The following MORN1 variants were observed in gnomAD, a reference collection of about 807,000 sequenced individuals.
MORN1 encodes MORN repeat-containing protein 1.
MORN1 carries 67 observed loss-of-function variants against 61.9 expected under a neutral mutation model. The observed-to-expected ratio is 1.08, with a 90% confidence interval of 0.89 to 1.33. The LOEUF (loss-of-function observed/expected upper bound fraction) is 1.33. Ranked by LOEUF, MORN1 falls within the 40% of genes most tolerant of loss-of-function variation. The pLI, the probability that MORN1 is intolerant of heterozygous loss-of-function variation, is 0.00. For synonymous variants in MORN1, 301 were observed against 292.0 expected, an observed-to-expected ratio of 1.03 and a Z score of -0.31; for missense variants, 752 against 691.2, an observed-to-expected ratio of 1.09 and a Z score of -0.99.
At chr1:2,342,322 G>A (rs1363460165) in intron 10 of MORN1, among the ~76,000 whole-genome samples, 1 of 152,258 alleles carries the variant, frequency 6.6e-6, no homozygotes, top group Non-Finnish European at 1.5e-5. Flanking sequence ...CTCGGGCCAG[G>A]CCAGCCCCAA....
chr1:2,341,014 C>A (rs999890607), intron 10 of MORN1, among the ~76,000 whole-genome samples: 3 of 152,256 alleles, frequency 2.0e-5, no homozygotes, highest in Non-Finnish European at 2.9e-5. Flanking sequence ...CCTCCTTGCA[C>A]GTCTCCACCC....
intron 4 of MORN1, chr1:2,386,975 A>C (rs1480581609): frequency 5.7e-6 from 1 of 176,702 alleles, no homozygotes; most frequent in Non-Finnish European, 1.2e-5. Context: ...ACTACTGGGC[A>C]AGGAGCTGGG....
intron 12 of MORN1, among the ~76,000 whole-genome samples, chr1:2,328,442 G>A (rs988460980): frequency 1.3e-5 from 2 of 152,314 alleles, no homozygotes; most frequent in South Asian, 4.1e-4. Flanking sequence ...GGTTCCACGT[G>A]GCCTCTAGGG....
chr1:2,389,077 A>G (rs542528312), intron 2 of MORN1, among the ~76,000 whole-genome samples: 15 of 149,808 alleles, frequency 1.0e-4, no homozygotes, highest in African/African-American at 3.4e-4. Context: ...GCAGCATTGC[A>G]CTCCAGCCTG....
At chr1:2,329,451 C>T (rs1641101601) in intron 12 of MORN1, among the ~76,000 whole-genome samples, 1 of 152,230 alleles carries the variant, frequency 6.6e-6, no homozygotes, top group Admixed American at 6.5e-5. Context: ...CAGTGCCCTC[C>T]CTGCAGCCGA....
At chr1:2,390,550 C>T in intron 1 of MORN1, 2 of 985,396 alleles carry the variant, frequency 2.0e-6, no homozygotes, top group Non-Finnish European at 2.4e-6. Flanking sequence ...ATGGGCAGGG[C>T]TCCCTCCCTA....
Position 2,385,897 on chromosome 1 carries a change from C to A in MORN1, c.359G>T (p.Gly120Val), listed in dbSNP as rs1196808259. The part of the protein sequence containing the change: ...EGEVSHGMRE[G>V]HGFLVDRDGQ... ...ATCCCGGTCCACCAGAAACCCGTGT[C>A]CTGGAGAAGGGACCGAGAGACAGAC... is the stretch of plus-strand genomic sequence containing the variant. The change falls in exon 5 of 14, where the codon GGA becomes GTA. Residue 120 changes from glycine to valine, a missense_variant and splice_region_variant. Gly to Val is a moderately radical substitution (Grantham distance 109, BLOSUM62 -3). Coordinates refer to ENST00000378531, the MANE Select transcript of MORN1 (RefSeq NM_024848.3). The A allele has an allele frequency of 1.2e-6, 2 of 1,613,708 alleles. No individual in the cohort carries two copies. Among genetic ancestry groups the A allele is most frequent in the Admixed American group, 3.3e-5 (2 of 60,008 alleles).
chr1:2,378,962 T>TC (rs1380082748), intron 6 of MORN1: 1 of 465,920 alleles, frequency 2.1e-6, no homozygotes, highest in Non-Finnish European at 4.4e-6. Flanking sequence ...CCGCTGTTCT[T>TC]ATTTTCCGTC....
intron 10 of MORN1, among the ~76,000 whole-genome samples, chr1:2,345,843 ACACACACACACAG>A (rs1284018457): frequency 6.9e-6 from 1 of 143,994 alleles, no homozygotes; most frequent in African/African-American, 2.5e-5. Flanking sequence ...ACACACACAC[ACACACACACACAG>A]ATGTTTGCTC....
chr1:2,335,360 C>A (rs1246507275), intron 12 of MORN1, among the ~76,000 whole-genome samples: 1 of 152,246 alleles, frequency 6.6e-6, no homozygotes, highest in Non-Finnish European at 1.5e-5. Flanking sequence ...CACTCACACT[C>A]ACACTCACGT....
At chr1:2,323,570 G>A (rs948668388) in intron 13 of MORN1, 2 of 985,200 alleles carry the variant, frequency 2.0e-6, no homozygotes, top group Admixed American at 6.2e-5. Flanking sequence ...CAGGCTGTGG[G>A]GCGACTGGAG....
At chr1:2,390,018 A>C in intron 1 of MORN1, 22 bp from the exon 2 acceptor site, 1 of 1,589,754 alleles carries the variant, frequency 6.3e-7, no homozygotes, top group Non-Finnish European at 8.6e-7. Flanking sequence ...GAAGACACAC[A>C]CAGGTAAGCA....
chr1:2,332,656 G>A (rs1239965857), intron 12 of MORN1: 9 of 456,458 alleles, frequency 2.0e-5, no homozygotes, highest in East Asian at 1.4e-4. Context: ...TCACACTCCC[G>A]TCTCACTTGG....
chr1:2,335,113 C>T lies in MORN1; in HGVS notation c.1250+1356G>A, dbSNP rs116638778. 7.7e-3 allele frequency among the ~76,000 whole-genome samples: 1,175 copies of T among 152,364 alleles called. 6 individuals carry two copies. The highest frequency in any genetic ancestry group is 0.011 in the Non-Finnish European group (774 of 68,024). On this transcript the variant is annotated intron_variant, in intron 12 of 13. Transcript: ENST00000378531. ...TAATTCACAAACCATGACTCAGAGC[C>T]GGACAGAGGGCGGCGCCTCCCCCAT...
intron 6 of MORN1, among the ~76,000 whole-genome samples, chr1:2,380,450 AAC>A (rs1642346855): frequency 6.6e-6 from 1 of 152,244 alleles, no homozygotes; most frequent in Non-Finnish European, 1.5e-5. Flanking sequence ...TAGCCTGGGC[AAC>A]ACAGTGAGAC....
At chr1:2,336,615 C>T in intron 11 of MORN1, 67 bp from the exon 12 acceptor site, 4 of 1,597,076 alleles carry the variant, frequency 2.5e-6, no homozygotes, top group Non-Finnish European at 3.4e-6. Context: ...AGCTCTGCTC[C>T]AACCCCCCTG....
chr1:2,349,921 C>T (rs145492842), intron 10 of MORN1, among the ~76,000 whole-genome samples: 3 of 152,350 alleles, frequency 2.0e-5, no homozygotes, highest in African/African-American at 7.2e-5. Flanking sequence ...AGCAACCTGA[C>T]GTCCTCTCAC....
chr1:2,385,335 G>C (rs1642469730), intron 5 of MORN1: 1 of 535,858 alleles, frequency 1.9e-6, no homozygotes, highest in East Asian at 3.2e-5. Context: ...AAATGACCCA[G>C]GAGAGGCAAC....
intron 10 of MORN1, among the ~76,000 whole-genome samples, chr1:2,356,867 T>G (rs1225698788): frequency 6.6e-6 from 1 of 152,132 alleles, no homozygotes; most frequent in Non-Finnish European, 1.5e-5. Context: ...GGCCGCACAT[T>G]CTATGGAAGT....
Sources: gnomAD v4.1 joint callset for allele counts (sites outside exome capture counted in the v4.1 genomes callset) on GRCh38, gnomAD v4.1.1 for gene constraint, MANE v1.5 for transcripts, NCBI Gene and HGNC (gene_info 2026-07-23, HGNC 2026-07-21) for gene names.